The following KAZN variants were observed in gnomAD, a reference collection of about 807,000 sequenced individuals.
KAZN encodes the protein kazrin.
KAZN carries 40 observed loss-of-function variants against 87.4 expected under a neutral mutation model. The observed-to-expected ratio is 0.46, with a 90% confidence interval of 0.36 to 0.60. The LOEUF (loss-of-function observed/expected upper bound fraction) is 0.60, where lower values mean the gene tolerates loss of function less well. Among genes scored for constraint, KAZN ranks in the 20% least tolerant of loss-of-function variants. The pLI, the probability that KAZN is intolerant of heterozygous loss-of-function variation, is 0.00. For missense variants in KAZN, 898 were observed against 1,073.9 expected (o/e 0.84, Z 2.29); for synonymous variants, 466 against 458.3 (o/e 1.02, Z -0.22).
intron 2 of KAZN, among the ~76,000 whole-genome samples, chr1:14,273,660 G>A (rs1406172179): frequency 2.0e-5 from 3 of 152,190 alleles, no homozygotes; most frequent in Non-Finnish European, 4.4e-5. Context: ...TCAAAAAGCA[G>A]CCACAAAAGA....
At chr1:14,619,769 T>A (rs1460643452) in intron 1 of KAZN, among the ~76,000 whole-genome samples, 1 of 152,240 alleles carries the variant, frequency 6.6e-6, no homozygotes, top group African/African-American at 2.4e-5. Context: ...GGACATTTTA[T>A]ATAAATAGAA....
At chr1:14,484,534 G>A (rs1669248155) in intron 2 of KAZN, among the ~76,000 whole-genome samples, 1 of 152,174 alleles carries the variant, frequency 6.6e-6, no homozygotes, top group Non-Finnish European at 1.5e-5. Flanking sequence ...TAAGAAAAAA[G>A]TAACTTCATC....
intron 1 of KAZN, among the ~76,000 whole-genome samples, chr1:14,680,697 G>A (rs980517177): frequency 6.6e-6 from 1 of 152,064 alleles, no homozygotes; most frequent in African/African-American, 2.4e-5. Context: ...CCATTTATGA[G>A]TGAGAACATG....
intron 1 of KAZN, among the ~76,000 whole-genome samples, chr1:14,620,616 C>T (rs908217099): frequency 1.3e-5 from 2 of 152,108 alleles, no homozygotes; most frequent in Non-Finnish European, 2.9e-5. Flanking sequence ...CTGCTTCTTT[C>T]TGAAAATACC....
intron 1 of KAZN, among the ~76,000 whole-genome samples, chr1:14,019,015 A>T (rs1344343961): frequency 6.6e-6 from 1 of 152,136 alleles, no homozygotes; most frequent in African/African-American, 2.4e-5. Flanking sequence ...CATATCCTTG[A>T]TTCTGTCTCT....
intron 2 of KAZN, among the ~76,000 whole-genome samples, chr1:14,264,077 CA>C (rs1651287627): frequency 6.6e-6 from 1 of 152,204 alleles, no homozygotes; most frequent in Non-Finnish European, 1.5e-5. Flanking sequence ...TGTTATCTTA[CA>C]GTTCTGTAGG....
At chr1:13,932,394 G>A (rs1640556634) in intron 1 of KAZN, among the ~76,000 whole-genome samples, 1 of 150,162 alleles carries the variant, frequency 6.7e-6, no homozygotes, top group Admixed American at 6.6e-5. Flanking sequence ...CCGAGTAGCT[G>A]GGACTACAGG....
At chr1:14,587,892 T>G (rs932497215) in intron 2 of KAZN, among the ~76,000 whole-genome samples, 6 of 152,096 alleles carry the variant, frequency 3.9e-5, no homozygotes, top group African/African-American at 1.4e-4. Flanking sequence ...CATCCTCAGT[T>G]CAGGTGTGTA....
chr1:14,020,695 A>G (rs576402660), intron 1 of KAZN, among the ~76,000 whole-genome samples: 35 of 152,338 alleles, frequency 2.3e-4, no homozygotes, highest in South Asian at 2.1e-4. Flanking sequence ...CCTTCCTAAG[A>G]TTTTAGTTTT....
At chr1:13,921,299 A>G (rs949040044) in intron 1 of KAZN, among the ~76,000 whole-genome samples, 4 of 152,198 alleles carry the variant, frequency 2.6e-5, no homozygotes, top group African/African-American at 4.8e-5. Flanking sequence ...CTTTTTCTCT[A>G]AAGATCCTGA....
Position 14,063,474 on chromosome 1 carries a change from G to T in KAZN, c.92-116961G>T, listed in dbSNP as rs1642875501. ...CAAGAGAGGTGTTAAAGACCAGTGG[G>T]TGCCCAATTGAGTACCCAACAGATT... is the stretch of plus-strand genomic sequence containing the variant. On this transcript the variant is annotated intron_variant, in intron 1 of 16. Transcript: ENST00000636203. Among the ~76,000 whole-genome samples, 3 of 152,280 alleles carry T rather than the reference G, an allele frequency of 2.0e-5. No individual in the cohort carries two copies. In the East Asian group the frequency reaches 5.8e-4, roughly 29 times the overall value.
intron 1 of KAZN, among the ~76,000 whole-genome samples, chr1:14,054,455 G>A (rs1347912915): frequency 6.6e-6 from 1 of 152,168 alleles, no homozygotes; most frequent in Non-Finnish European, 1.5e-5. Flanking sequence ...AAGATGAGAT[G>A]AGGACAGGAT....
At chr1:14,137,290 G>A (rs1466156929) in intron 1 of KAZN, among the ~76,000 whole-genome samples, 6 of 152,162 alleles carry the variant, frequency 3.9e-5, no homozygotes, top group African/African-American at 1.4e-4. Context: ...CTGAAATCTA[G>A]AAGTAAGTTT....
intron 1 of KAZN, among the ~76,000 whole-genome samples, chr1:14,906,942 T>A (rs1002451627): frequency 6.6e-6 from 1 of 151,696 alleles, no homozygotes; most frequent in Admixed American, 6.6e-5. Context: ...ACTGGAGCAG[T>A]GTTTTGTCCC....
At chr1:14,114,251 C>T (rs779470640) in intron 1 of KAZN, among the ~76,000 whole-genome samples, 5 of 151,982 alleles carry the variant, frequency 3.3e-5, no homozygotes, top group Admixed American at 6.6e-5. Context: ...TGTGGGTGAC[C>T]GAATATGTCA....
intron 1 of KAZN, among the ~76,000 whole-genome samples, chr1:14,114,184 C>G (rs1040008303): frequency 3.9e-5 from 6 of 152,162 alleles, no homozygotes; most frequent in Non-Finnish European, 2.9e-5. Flanking sequence ...GTGCCTGGTT[C>G]TTCAGGGCCA....
At chr1:14,822,353 G>GAGGGAGGAAGT in intron 1 of KAZN, among the ~76,000 whole-genome samples, 1 of 151,726 alleles carries the variant, frequency 6.6e-6, no homozygotes, top group East Asian at 2.0e-4. Flanking sequence ...ACAAAAGCAG[G>GAGGGAGGAAGT]AGGGAGAAAA....
chr1:14,732,861 G>C (rs903478947), intron 1 of KAZN, among the ~76,000 whole-genome samples: 1 of 152,004 alleles, frequency 6.6e-6, no homozygotes, highest in African/African-American at 2.4e-5. Context: ...AAAATATCAG[G>C]ACACCTGCCC....
In KAZN at chr1:15,065,824, G is replaced by T. The variant is rs754179637; in HGVS notation, c.1222+71G>T. Reference sequence around the variant, plus strand: ...ACGCGCTCCCCTGCGCCTGCTGCCCGCAGGCGTGTCTGTGCGTGTGGGCGT... The same window carrying T: ...ACGCGCTCCCCTGCGCCTGCTGCCCTCAGGCGTGTCTGTGCGTGTGGGCGT... On this transcript the variant is annotated intron_variant, in intron 8 of 14. Coordinates refer to ENST00000376030, the MANE Select transcript of KAZN (RefSeq NM_201628.3). 14 of 1,587,716 alleles carry T rather than the reference G, an allele frequency of 8.8e-6. No homozygotes were observed. The East Asian group carries it at 2.9e-4, about 33-fold the overall frequency.
Sources: gnomAD v4.1 joint callset for allele counts (sites outside exome capture counted in the v4.1 genomes callset) on GRCh38, gnomAD v4.1.1 for gene constraint, MANE v1.5 for transcripts, NCBI Gene and HGNC (gene_info 2026-07-23, HGNC 2026-07-21) for gene names.